The following PIK3R1 variants were observed in gnomAD, a reference collection of about 807,000 sequenced individuals.
PIK3R1 encodes phosphatidylinositol 3-kinase regulatory subunit alpha.
In PIK3R1, 29 loss-of-function variants were observed where a neutral mutation model predicts 98.0. The ratio of observed to expected loss-of-function variants is 0.30; its 90% confidence interval spans 0.22 to 0.40. The LOEUF is 0.40. Ranked by LOEUF, PIK3R1 falls within the 10% of genes least tolerant of loss-of-function variation. The probability of loss-of-function intolerance (pLI) is 1.00; values close to 1 mark genes in which losing one functional copy is unlikely to be tolerated. For missense variants in PIK3R1, 596 were observed against 872.7 expected, an observed-to-expected ratio of 0.68 and a Z score of 3.99; for synonymous variants, 282 against 311.8, an observed-to-expected ratio of 0.90 and a Z score of 1.01.
rs576101819 is a variant in PIK3R1 at position 68,262,386 on chromosome 5, T to TATA, written c.335-11004_335-11003insATA. On this transcript the variant is annotated intron_variant, in intron 2 of 15. Coordinates refer to ENST00000521381, the MANE Select transcript of PIK3R1 (RefSeq NM_181523.3). ...ATGACCAGGCTTCTTTCTATAATTT[T>TATA]TATATATATATATATATACACACAC... Among the ~76,000 whole-genome samples the TATA allele has an allele frequency of 5.4e-3, 750 of 138,534 alleles. 4 individuals carry two copies. Among genetic ancestry groups the TATA allele is most frequent in the Non-Finnish European group, 7.1e-3 (456 of 64,212 alleles). 90.9% of individuals were successfully genotyped at this position (138,534 alleles called of 152,430 possible). A position where few individuals can be genotyped will look rare whatever the true frequency, so the allele number is the denominator to read the frequency against.
At chr5:68,262,192 C>G (rs1296289065) in intron 2 of PIK3R1, among the ~76,000 whole-genome samples, 1 of 151,718 alleles carries the variant, frequency 6.6e-6, no homozygotes, top group African/African-American at 2.4e-5. Context: ...GAATAGTTCC[C>G]TCTCTGAGGG....
chr5:68,283,541 T>C (rs574465392), intron 7 of PIK3R1, among the ~76,000 whole-genome samples: 1 of 152,270 alleles, frequency 6.6e-6, no homozygotes, highest in South Asian at 2.1e-4. Flanking sequence ...AAAGGAGAAA[T>C]AGCATTTTGA....
At chr5:68,221,935 ATAT>A (rs1744105531) in intron 1 of PIK3R1, among the ~76,000 whole-genome samples, 1 of 152,200 alleles carries the variant, frequency 6.6e-6, no homozygotes, top group Non-Finnish European at 1.5e-5. Context: ...GTTGCATATG[ATAT>A]TATATAAGAG....
In PIK3R1 at chr5:68,297,505, A is replaced by G; in HGVS notation, c.2079A>G (p.Glu693=). ...EPYNLYSSLK[E]LVLHYQHTSL... is the part of the protein sequence containing the mutation. The stretch of plus-strand genomic sequence containing the variant: ...ATAACTTGTACAGCTCTCTGAAAGA[A>G]CTGGTGCTACATTACCAACACACCT... Residue 693 remains glutamate (E), a synonymous_variant, in exon 16 of 16, where the codon GAA becomes GAG. Coordinates refer to ENST00000521381, the MANE Select transcript of PIK3R1 (RefSeq NM_181523.3). 1 of 1,614,182 alleles carries G rather than the reference A, an allele frequency of 6.2e-7. No homozygotes were observed. Among genetic ancestry groups the G allele is most frequent in the Non-Finnish European group, 8.5e-7 (1 of 1,179,976 alleles).
chr5:68,240,327 G>A (rs1354952816), intron 2 of PIK3R1, among the ~76,000 whole-genome samples: 1 of 152,170 alleles, frequency 6.6e-6, no homozygotes, highest in Non-Finnish European at 1.5e-5. Flanking sequence ...TGTTTGGATT[G>A]GCATTATGTG....
At chr5:68,255,832 AGTG>A (rs1252399829) in intron 2 of PIK3R1, among the ~76,000 whole-genome samples, 1 of 152,194 alleles carries the variant, frequency 6.6e-6, no homozygotes, top group East Asian at 1.9e-4. Context: ...ATTCCCAAAA[AGTG>A]GTGATTATTT....
At chr5:68,225,476 A>G (rs1167363499) in intron 1 of PIK3R1, among the ~76,000 whole-genome samples, 1 of 152,176 alleles carries the variant, frequency 6.6e-6, no homozygotes, top group African/African-American at 2.4e-5. Flanking sequence ...ATGCAGGATC[A>G]GGCACCCTTT....
chr5:68,264,685 C>T (rs547678981), intron 2 of PIK3R1, among the ~76,000 whole-genome samples: 58 of 152,294 alleles, frequency 3.8e-4, no homozygotes, highest in Admixed American at 1.9e-3. Flanking sequence ...ACAGGAGATA[C>T]AAAGAGCAAA....
chr5:68,297,065 G>C (rs922292222), intron 15 of PIK3R1, among the ~76,000 whole-genome samples: 1 of 152,214 alleles, frequency 6.6e-6, no homozygotes, highest in Non-Finnish European at 1.5e-5. Context: ...GAGCACTGCA[G>C]ATAGTTGTCC....
At chr5:68,267,787 A>C (rs1180525757) in intron 2 of PIK3R1, among the ~76,000 whole-genome samples, 1 of 152,166 alleles carries the variant, frequency 6.6e-6, no homozygotes, top group Non-Finnish European at 1.5e-5. Context: ...TTTTGGGGAA[A>C]GTATGATAAA....
At chr5:68,289,759 CAAAAAA>C (rs71305021) in intron 7 of PIK3R1, among the ~76,000 whole-genome samples, 32 of 51,880 alleles carry the variant, frequency 6.2e-4, no homozygotes, top group African/African-American at 1.4e-3. Context: ...GGGGGAAAAG[CAAAAAA>C]AAAAAAAAAA....
intron 4 of PIK3R1, among the ~76,000 whole-genome samples, chr5:68,276,248 G>A (rs556287570): frequency 6.6e-6 from 1 of 152,292 alleles, no homozygotes; most frequent in South Asian, 2.1e-4. Flanking sequence ...TGGAAGAGTG[G>A]GAGCTTGTCC....
intron 2 of PIK3R1, among the ~76,000 whole-genome samples, chr5:68,268,091 T>C (rs1033668964): frequency 6.6e-6 from 1 of 152,116 alleles, no homozygotes; most frequent in South Asian, 2.1e-4. Context: ...TGTTTATATA[T>C]ATATATTATT....
intron 1 of PIK3R1, among the ~76,000 whole-genome samples, chr5:68,223,445 G>T (rs1744167138): frequency 2.0e-5 from 3 of 150,742 alleles, no homozygotes; most frequent in Middle Eastern, 6.9e-3. Context: ...TTGAATTAAC[G>T]TCTGCATCAA....
chr5:68,284,715 G>C (rs1165481904), intron 7 of PIK3R1, among the ~76,000 whole-genome samples: 5 of 152,146 alleles, frequency 3.3e-5, no homozygotes, highest in Non-Finnish European at 5.9e-5. Flanking sequence ...AGGGGTAAAG[G>C]CTTTTTCTCC....
At chr5:68,247,644 A>G (rs1745151022) in intron 2 of PIK3R1, among the ~76,000 whole-genome samples, 1 of 150,042 alleles carries the variant, frequency 6.7e-6, no homozygotes, top group African/African-American at 2.5e-5. Context: ...AGTGGCATCA[A>G]CATGGCTCAC....
intron 3 of PIK3R1, 89 bp from the exon 4 acceptor site, chr5:68,273,850 G>T: frequency 1.0e-6 from 1 of 965,906 alleles, no homozygotes; most frequent in Non-Finnish European, 1.7e-6. Context: ...ATACTGGATG[G>T]AAACTGGAAT....
chr5:68,228,838 G>A (rs1230579104), intron 2 of PIK3R1, among the ~76,000 whole-genome samples: 1 of 152,192 alleles, frequency 6.6e-6, no homozygotes, highest in African/African-American at 2.4e-5. Flanking sequence ...GCTATCAGGT[G>A]CAAGTTTCTT....
chr5:68,292,957 C>A, intron 8 of PIK3R1, 144 bp from the exon 9 acceptor site: 1 of 693,450 alleles, frequency 1.4e-6, no homozygotes, highest in Non-Finnish European at 2.4e-6. Context: ...TCTATGTGGG[C>A]AGGAGGAATA....
Sources: gnomAD v4.1 joint callset for allele counts (sites outside exome capture counted in the v4.1 genomes callset) on GRCh38, gnomAD v4.1.1 for gene constraint, MANE v1.5 for transcripts, NCBI Gene and HGNC (gene_info 2026-07-23, HGNC 2026-07-21) for gene names.